The following TACR3 variants were observed in gnomAD, a reference collection of about 807,000 sequenced individuals.
The protein encoded by TACR3 is tachykinin receptor 3, also known as neuromedin-K receptor.
In TACR3, 34 loss-of-function variants were observed where a neutral mutation model predicts 35.0. The observed-to-expected ratio is 0.97, with a 90% confidence interval of 0.74 to 1.30. The LOEUF is 1.30. Ranked by LOEUF, TACR3 falls within the 50% of genes most tolerant of loss-of-function variation. The probability of loss-of-function intolerance (pLI) is 0.00; values close to 1 mark genes in which losing one functional copy is unlikely to be tolerated. For synonymous variants in TACR3, 233 were observed against 221.1 expected (o/e 1.05, Z -0.48); for missense variants, 558 against 591.7 (o/e 0.94, Z 0.59).
intron 1 of TACR3, among the ~76,000 whole-genome samples, chr4:103,682,062 A>C (rs1722107438): frequency 6.6e-6 from 1 of 152,146 alleles, no homozygotes; most frequent in Non-Finnish European, 1.5e-5. Context: ...TAGTAGCTTA[A>C]TACTTTAAAA....
Position 103,672,671 on chromosome 4 carries a change from T to A in TACR3, c.549-14268A>T, listed in dbSNP as rs57064474. On this transcript the variant is annotated intron_variant, in intron 1 of 4. Coordinates refer to ENST00000304883, the MANE Select transcript of TACR3 (RefSeq NM_001059.3). ...AGCATAATTTTTAAGGGCCCTAGGA[T>A]TTTTGGAATAACAAATGAGCACTGG... Among the ~76,000 whole-genome samples the A allele has an allele frequency of 4.0e-3, 604 of 152,260 alleles. 3 individuals carry two copies. Among genetic ancestry groups the A allele is most frequent in the African/African-American group, 0.013 (558 of 41,572 alleles).
chr4:103,646,288 A>G (rs1005582640), intron 3 of TACR3, among the ~76,000 whole-genome samples: 1 of 151,974 alleles, frequency 6.6e-6, no homozygotes, highest in Non-Finnish European at 1.5e-5. Flanking sequence ...GAAGACTAGA[A>G]AACATCTTTC....
intron 3 of TACR3, among the ~76,000 whole-genome samples, chr4:103,636,923 C>T (rs59305243): frequency 4.6e-5 from 7 of 151,920 alleles, no homozygotes; most frequent in Non-Finnish European, 1.0e-4. Context: ...CAATAACAGG[C>T]TCTGAAATTG....
At chr4:103,598,824 T>G (rs1578219232) in intron 3 of TACR3, among the ~76,000 whole-genome samples, 1 of 152,264 alleles carries the variant, frequency 6.6e-6, no homozygotes, top group South Asian at 2.1e-4. Flanking sequence ...TATCTGTTTG[T>G]GCACCAGTAC....
chr4:103,610,611 G>C (rs1361350910), intron 3 of TACR3, among the ~76,000 whole-genome samples: 2 of 151,994 alleles, frequency 1.3e-5, no homozygotes, highest in Admixed American at 1.3e-4. Flanking sequence ...TTCCTTTGCT[G>C]TACAAAAGCT....
In TACR3 at chr4:103,719,494, G is replaced by A. The variant is rs530527574; in HGVS notation, c.182C>T (p.Pro61Leu). Residue 61 changes from proline to leucine, a missense_variant, in exon 1 of 5, where the codon CCT becomes CTT. Physicochemically the swap from Pro to Leu is moderately conservative, Grantham distance 98. Transcript: ENST00000304883. ...LSSSPSALGL[P>L]VASPAPSQPW... ...CTGGGAGGGCGCGGGGGAAGCCACA[G>A]GCAGTCCCAGCGCGGAAGGGGAGGA... 1.2e-6 allele frequency: 2 copies of A among 1,611,834 alleles called. No homozygotes were observed. Among genetic ancestry groups the A allele is most frequent in the South Asian group, 1.1e-5 (1 of 91,038 alleles).
At chr4:103,626,542 G>C (rs765042954) in intron 3 of TACR3, among the ~76,000 whole-genome samples, 1 of 152,144 alleles carries the variant, frequency 6.6e-6, no homozygotes, top group Non-Finnish European at 1.5e-5. Context: ...ATGCCATGGA[G>C]ATTTGCAACA....
At chr4:103,679,355 TAGC>T (rs1051824659) in intron 1 of TACR3, among the ~76,000 whole-genome samples, 21 of 152,174 alleles carry the variant, frequency 1.4e-4, no homozygotes, top group African/African-American at 4.8e-4. Context: ...GTTACCTTAA[TAGC>T]AGCATATTTC....
intron 3 of TACR3, among the ~76,000 whole-genome samples, chr4:103,634,896 A>G (rs1437863133): frequency 6.6e-6 from 1 of 152,018 alleles, no homozygotes; most frequent in Non-Finnish European, 1.5e-5. Context: ...TGCATCTCTC[A>G]AGTAAGATAA....
At chr4:103,639,446 TGGGGAGAGG>T (rs1725294338) in intron 3 of TACR3, among the ~76,000 whole-genome samples, 1 of 150,024 alleles carries the variant, frequency 6.7e-6, no homozygotes, top group South Asian at 2.1e-4. Flanking sequence ...TGTTGTGGGG[TGGGGAGAGG>T]GGGGAGGGAT....
At chr4:103,599,256 G>T (rs867070186) in intron 3 of TACR3, among the ~76,000 whole-genome samples, 67 of 152,198 alleles carry the variant, frequency 4.4e-4, no homozygotes, top group Admixed American at 7.9e-4. Flanking sequence ...CTCTCTGTTT[G>T]TCTGTTATTG....
In TACR3 at chr4:103,707,642, CAGACAGTGGGTACA is replaced by C. The variant is rs749783663; in HGVS notation, c.548+11472_548+11485del. Among the ~76,000 whole-genome samples, 241 of 152,200 alleles carry C rather than the reference CAGACAGTGGGTACA, an allele frequency of 1.6e-3. 2 individuals are homozygous for C. Among genetic ancestry groups the C allele is most frequent in the African/African-American group, 5.7e-3 (236 of 41,530 alleles). On this transcript the variant is annotated intron_variant, in intron 1 of 4. Transcript: ENST00000304883. The stretch of plus-strand genomic sequence containing the variant: ...CCGGGTTCATCTCACTGGGGTTTGT[CAGACAGTGGGTACA>C]GGACAGTGGGTGCAGCCCACCGAGC...
intron 1 of TACR3, among the ~76,000 whole-genome samples, chr4:103,670,924 A>G (rs1386541812): frequency 6.6e-6 from 1 of 152,050 alleles, no homozygotes; most frequent in African/African-American, 2.4e-5. Context: ...AGTTTTTCCC[A>G]TTCAGTATGA....
intron 1 of TACR3, among the ~76,000 whole-genome samples, chr4:103,661,035 G>A (rs529002290): frequency 1.3e-5 from 2 of 152,118 alleles, no homozygotes; most frequent in South Asian, 2.1e-4. Flanking sequence ...GATAATAAGA[G>A]AAGAGCTAGA....
rs1377036456 is a variant in TACR3 at position 103,586,440 on chromosome 4, A to G, written c.*3242T>C. 1 of 152,044 alleles carries G rather than the reference A, an allele frequency of 6.6e-6. No individual in the cohort carries two copies. The highest frequency in any genetic ancestry group is 2.4e-5 in the African/African-American group (1 of 41,416). The allele number at this position is 152,044 out of a possible 1,614,324, so 9.4% of individuals were successfully genotyped here. A position where few individuals can be genotyped will look rare whatever the true frequency, so the allele number is the denominator to read the frequency against. ...ATGTTTGTAAGTCTCCTGCTTTTCT[A>G]TTTGATGAAATAGTTTACCAGGTAC... On this transcript the variant is annotated 3_prime_UTR_variant, in exon 5 of 5. Transcript: ENST00000304883.
At chr4:103,636,509 G>C (rs1164173026) in intron 3 of TACR3, among the ~76,000 whole-genome samples, 3 of 151,902 alleles carry the variant, frequency 2.0e-5, no homozygotes, top group Non-Finnish European at 4.4e-5. Context: ...CTCATAATAC[G>C]TAAATAATAC....
At chr4:103,631,811 A>AAGACAATGG (rs1391906450) in intron 3 of TACR3, among the ~76,000 whole-genome samples, 2 of 152,176 alleles carry the variant, frequency 1.3e-5, no homozygotes, top group African/African-American at 4.8e-5. Context: ...AGGCACTGAG[A>AAGACAATGG]AGACAATGGT....
At chr4:103,697,154 C>CTGTT (rs1722538197) in intron 1 of TACR3, among the ~76,000 whole-genome samples, 1 of 152,106 alleles carries the variant, frequency 6.6e-6, no homozygotes, top group Non-Finnish European at 1.5e-5. Context: ...ATGTGCTTTT[C>CTGTT]TGTTTGTGCA....
chr4:103,649,479 C>T (rs550471837), intron 3 of TACR3, among the ~76,000 whole-genome samples: 12 of 151,680 alleles, frequency 7.9e-5, no homozygotes, highest in Non-Finnish European at 1.5e-4. Flanking sequence ...TTACATAGCC[C>T]CTTTGAGGCT....
Sources: allele counts gnomAD v4.1 joint callset (sites outside exome capture counted in the v4.1 genomes callset), GRCh38; gene constraint gnomAD v4.1.1; transcripts MANE v1.5; gene names NCBI Gene and HGNC (gene_info 2026-07-23, HGNC 2026-07-21).